Variants in NECTIN1 observed in about 807,000 individuals in gnomAD.
NECTIN1 encodes the protein nectin cell adhesion molecule 1, also known as nectin-1.
In NECTIN1, 23 loss-of-function variants were observed where a neutral mutation model predicts 48.0. That is an observed-to-expected ratio of 0.48 (90% CI 0.34 to 0.68). The LOEUF (loss-of-function observed/expected upper bound fraction) is 0.68. Among genes scored for constraint, NECTIN1 ranks in the 30% least tolerant of loss-of-function variants. The probability of loss-of-function intolerance (pLI) is 0.01; values close to 1 mark genes in which losing one functional copy is unlikely to be tolerated. For missense variants in NECTIN1, 591 were observed against 709.9 expected (o/e 0.83, Z 1.90); for synonymous variants, 270 against 288.9 (o/e 0.93, Z 0.66).
intron 1 of NECTIN1, among the ~76,000 whole-genome samples, chr11:119,707,618 T>C (rs1290724139): frequency 6.6e-6 from 1 of 152,220 alleles, no homozygotes; most frequent in Non-Finnish European, 1.5e-5. Context: ...TGCAGAATCC[T>C]CTCCTTCCTC....
intron 1 of NECTIN1, among the ~76,000 whole-genome samples, chr11:119,691,130 C>A (rs1272334789): frequency 6.6e-6 from 1 of 152,188 alleles, no homozygotes; most frequent in Non-Finnish European, 1.5e-5. Context: ...ACAGAAACCC[C>A]AAGAGTAGCC....
Position 119,662,894 on chromosome 11 carries a change from G to A in NECTIN1, c.*1853C>T, listed in dbSNP as rs527516989. The A allele has an allele frequency of 5.1e-6, 5 of 986,170 alleles. No individual in the cohort carries two copies. In the South Asian group the frequency reaches 1.4e-4, roughly 28 times the overall value. 61.1% of individuals were successfully genotyped at this position (986,170 alleles called of 1,614,324 possible). On this transcript the variant is annotated 3_prime_UTR_variant, in exon 6 of 6. Coordinates refer to ENST00000264025, the MANE Select transcript of NECTIN1 (RefSeq NM_002855.5). The surrounding 1 kb of genome is among the most constrained non-coding windows in gnomAD (Gnocchi z 5.3). ...TGGCATGGCTTCAGACTTCTGCTAC[G>A]TGGCTACTGGGCAGCCTGGGCTGGG...
rs1865097062 is a variant in NECTIN1, at chr11:119,683,531, G to C, written c.80-4766C>G. On this transcript the variant is annotated intron_variant, in intron 1 of 5. Coordinates refer to ENST00000264025, the MANE Select transcript of NECTIN1 (RefSeq NM_002855.5). The surrounding 1 kb of genome is among the most constrained non-coding windows in gnomAD (Gnocchi z 4.0). The stretch of plus-strand genomic sequence containing the variant: ...TTGCATCTGCAGGTCACCTGACTGG[G>C]TGTCAGGTGATAGGTCAGAAACAGG... Among the ~76,000 whole-genome samples the C allele has an allele frequency of 6.6e-6, 1 of 152,010 alleles. No individual in the cohort carries two copies. The highest frequency in any genetic ancestry group is 6.5e-5 in the Admixed American group (1 of 15,268).
At chr11:119,728,354 G>T in intron 1 of NECTIN1, 121 bp downstream of exon 1, 2 of 966,620 alleles carry the variant, frequency 2.1e-6, no homozygotes, top group South Asian at 1.6e-5. Flanking sequence ...CTTTACCCAA[G>T]CCGTGACCCA....
intron 1 of NECTIN1, among the ~76,000 whole-genome samples, chr11:119,685,792 C>G (rs1351389705): frequency 6.6e-6 from 1 of 152,230 alleles, no homozygotes; most frequent in African/African-American, 2.4e-5. Flanking sequence ...CTCTGCTCAC[C>G]TGGACACTGA....
intron 1 of NECTIN1, among the ~76,000 whole-genome samples, chr11:119,705,965 G>A (rs1042078447): frequency 3.9e-5 from 6 of 152,186 alleles, no homozygotes; most frequent in Non-Finnish European, 8.8e-5. Context: ...GGCGGGGAGG[G>A]GCGGGGCAGG....
chr11:119,680,700 C>T (rs1027631931), intron 1 of NECTIN1, among the ~76,000 whole-genome samples: 23 of 152,358 alleles, frequency 1.5e-4, no homozygotes, highest in Admixed American at 2.6e-4. Context: ...CAGGCCCTAC[C>T]GTGTTCTGAA....
rs186866008 is a variant in NECTIN1, at chr11:119,647,905, A to G, written c.1004-7893T>C. Among the ~76,000 whole-genome samples, 842 of 151,972 alleles carry G rather than the reference A, an allele frequency of 5.5e-3. 6 individuals carry two copies. The highest frequency in any genetic ancestry group is 0.019 in the African/African-American group (789 of 41,460). On this transcript the variant is annotated intron_variant, in intron 5 of 7. Coordinates refer to the NECTIN1 transcript ENST00000341398. Reference sequence around the variant, plus strand: ...TGGAGAAACCCCAACTCTACTAAAAATACAAAAAATTAGCCAGGCATGGTG... The same window carrying G: ...TGGAGAAACCCCAACTCTACTAAAAGTACAAAAAATTAGCCAGGCATGGTG...
At chr11:119,697,338 C>T (rs1865359226) in intron 1 of NECTIN1, among the ~76,000 whole-genome samples, 1 of 152,220 alleles carries the variant, frequency 6.6e-6, no homozygotes, top group Admixed American at 6.5e-5. Context: ...TTCATCTCTG[C>T]TCCAGCCCTG....
At position 119,664,828 on chromosome 11, in the gene NECTIN1, G is replaced by T. The variant is rs1565382648; in HGVS notation, c.1473C>A (p.Asp491Glu). ...TCTCAGCCAAGTCCAGCTGCTCAGG[G>T]TCGTACTGGTAGCCCAGAGTCCGGT... ...YGDRTLGYQY[D>E]PEQLDLAENM... Residue 491 changes from aspartate to glutamate, a missense_variant, in exon 6 of 6, where the codon GAC becomes GAA. Coordinates refer to ENST00000264025, the MANE Select transcript of NECTIN1 (RefSeq NM_002855.5). 6.2e-7 allele frequency: 1 copy of T among 1,613,798 alleles called. No homozygotes were observed. The highest frequency in any genetic ancestry group is 2.2e-5 in the East Asian group (1 of 44,886).
chr11:119,648,360 GC>G (rs1864439907), intron 5 of NECTIN1, among the ~76,000 whole-genome samples: 1 of 7,872 alleles, frequency 1.3e-4, no homozygotes, highest in Non-Finnish European at 3.2e-4. Context: ...TGGTGGTGAT[GC>G]TGGTGATGGT....
chr11:119,681,845 G>T (rs537724273), intron 1 of NECTIN1, among the ~76,000 whole-genome samples: 1 of 152,312 alleles, frequency 6.6e-6, no homozygotes, highest in South Asian at 2.1e-4. Context: ...GGTGGGGCAG[G>T]GCAGGGAGGA....
chr11:119,665,328 C>T lies in NECTIN1; in HGVS notation c.1004-31G>A. The T allele has an allele frequency of 6.9e-7, 1 of 1,459,462 alleles. No individual in the cohort carries two copies. Among genetic ancestry groups the T allele is most frequent in the Non-Finnish European group, 9.2e-7 (1 of 1,081,622 alleles). 90.4% of individuals were successfully genotyped at this position (1,459,462 alleles called of 1,614,324 possible). A position where few individuals can be genotyped will look rare whatever the true frequency, so the allele number is the denominator to read the frequency against. On this transcript the variant is annotated intron_variant, in intron 5 of 5. Coordinates refer to ENST00000264025, the MANE Select transcript of NECTIN1 (RefSeq NM_002855.5). The surrounding 1 kb of genome is among the most constrained non-coding windows in gnomAD (Gnocchi z 5.1). The stretch of plus-strand genomic sequence containing the variant: ...TGAGGAAAAGAGATGGAGGGGACAG[C>T]ATCAGCGTGTGCTCCTGGGGTGTAG...
chr11:119,699,463 G>A (rs147646337), intron 1 of NECTIN1, among the ~76,000 whole-genome samples: 1,902 of 151,288 alleles, frequency 0.013, 14 homozygotes, highest in Middle Eastern at 0.065. Flanking sequence ...TCAATGCCCA[G>A]CCCCGAGTCC....
intron 5 of NECTIN1, among the ~76,000 whole-genome samples, chr11:119,646,030 A>C (rs897197251): frequency 2.0e-4 from 30 of 152,178 alleles, no homozygotes; most frequent in African/African-American, 7.2e-4. Context: ...AGCTGCTGGG[A>C]GTCCCCTGCC....
At chr11:119,644,460 G>T (rs1196877192) in intron 5 of NECTIN1, among the ~76,000 whole-genome samples, 1 of 152,208 alleles carries the variant, frequency 6.6e-6, no homozygotes, top group African/African-American at 2.4e-5. Context: ...AGGGTGGGAA[G>T]CGAGCCCAGA....
At chr11:119,648,337 G>C (rs866550265) in intron 5 of NECTIN1, among the ~76,000 whole-genome samples, 2 of 15,446 alleles carry the variant, frequency 1.3e-4, no homozygotes, top group African/African-American at 2.4e-4. Context: ...GGTGATGGTG[G>C]TGGTGATGCT....
chr11:119,664,841 C>A lies in NECTIN1; in HGVS notation c.1460G>T (p.Gly487Val). Reference protein sequence around the residue: ...RQDGYGDRTLGYQYDPEQLDL... With the variant: ...RQDGYGDRTLVYQYDPEQLDL... ...CAGCTGCTCAGGGTCGTACTGGTAG[C>A]CCAGAGTCCGGTCCCCGTAGCCGTC... The change falls in exon 6 of 6, where the codon GGC becomes GTC. Residue 487 changes from glycine to valine, a missense_variant. By Grantham distance (109) the Gly-to-Val change is moderately radical. Coordinates refer to ENST00000264025, the MANE Select transcript of NECTIN1 (RefSeq NM_002855.5). The A allele has an allele frequency of 1.2e-6, 2 of 1,613,952 alleles. No homozygotes were observed. The highest frequency in any genetic ancestry group is 2.2e-5 in the South Asian group (2 of 91,028).
intron 5 of NECTIN1, among the ~76,000 whole-genome samples, chr11:119,671,529 G>A (rs1487818902): frequency 6.6e-6 from 1 of 152,146 alleles, no homozygotes; most frequent in African/African-American, 2.4e-5. Flanking sequence ...AAGTGTTAGG[G>A]CTTACAGTCT....
Sources: allele counts gnomAD v4.1 joint callset (sites outside exome capture counted in the v4.1 genomes callset), GRCh38; gene constraint gnomAD v4.1.1; non-coding constraint Gnocchi (gnomAD v3.1); transcripts MANE v1.5; gene names NCBI Gene and HGNC (gene_info 2026-07-23, HGNC 2026-07-21).